IQANK1: variants seen among roughly 807,000 people sequenced by gnomAD.
IQANK1 encodes IQ motif and ankyrin repeat domain-containing protein 1.
In IQANK1, 30 loss-of-function variants were observed where a neutral mutation model predicts 22.6. The observed-to-expected ratio is 1.33, with a 90% CI of 0.99 to 1.80. The LOEUF is 1.80. Ranked by LOEUF, IQANK1 falls within the 40% of genes most tolerant of loss-of-function variation. The pLI, the probability that IQANK1 is intolerant of heterozygous loss-of-function variation, is 0.00. For missense variants in IQANK1, 275 were observed against 235.2 expected (o/e 1.17, Z -1.11); for synonymous variants, 122 against 99.6 (o/e 1.23, Z -1.34).
At position 143,778,369 on chromosome 8, in the gene IQANK1, A is replaced by G. The variant is rs1819731456; in HGVS notation, c.789+5887A>G. ...AGGATGCTGAAGTAACTGTATTAACATCAAGTAGATTTCAGAAAAAAGTAT... is the reference window on the plus strand; with the variant it reads ...AGGATGCTGAAGTAACTGTATTAACGTCAAGTAGATTTCAGAAAAAAGTAT... On this transcript the variant is annotated intron_variant, in intron 7 of 13. Transcript: ENST00000527139. 2.0e-5 allele frequency among the ~76,000 whole-genome samples: 3 copies of G among 152,230 alleles called. No individual in the cohort carries two copies. The South Asian group carries it at 6.2e-4, about 32-fold the overall frequency.
At position 143,771,104 on chromosome 8, in the gene IQANK1, T is replaced by C. The variant is rs1554629702; in HGVS notation, c.176-384T>C. ...CCAGGCCTGGGGCCCCCCCGCTCAG[T>C]CCAGCCTTCGCTCGCTGGGGCCTGG... On this transcript the variant is annotated intron_variant, in intron 3 of 13. Transcript: ENST00000527139. The surrounding 1 kb of genome is among the most constrained non-coding windows in gnomAD (Gnocchi z 6.0). Among the ~76,000 whole-genome samples the C allele has an allele frequency of 6.6e-6, 1 of 152,190 alleles. No homozygotes were observed. The highest frequency in any genetic ancestry group is 2.4e-5 in the African/African-American group (1 of 41,468).
rs983516183 is a variant in IQANK1, at chr8:143,758,048, C to T, written c.176-13440C>T. 6.6e-6 allele frequency: 1 copy of T among 152,196 alleles called. No individual in the cohort carries two copies. The highest frequency in any genetic ancestry group is 6.5e-5 in the Admixed American group (1 of 15,276). 9.4% of individuals were successfully genotyped at this position (152,196 alleles called of 1,614,324 possible). A position where few individuals can be genotyped will look rare whatever the true frequency, so the allele number is the denominator to read the frequency against. On this transcript the variant is annotated intron_variant, in intron 3 of 13. Transcript: ENST00000527139. The surrounding 1 kb of genome is among the most constrained non-coding windows in gnomAD (Gnocchi z 4.2). Reference sequence around the variant, plus strand: ...CAATAAAGATCTCTGGATTAGATTACCTCAGAGAGTGGTAGCACTGACCCA... The same window carrying T: ...CAATAAAGATCTCTGGATTAGATTATCTCAGAGAGTGGTAGCACTGACCCA...
In IQANK1 at chr8:143,790,165, C is replaced by T; in HGVS notation, c.1318C>T (p.Gln440Ter). 1 of 1,232,100 alleles carries T rather than the reference C, an allele frequency of 8.1e-7. No homozygotes were observed. The highest frequency in any genetic ancestry group is 1.0e-6 in the Non-Finnish European group (1 of 988,010). The allele number at this position is 1,232,100 out of a possible 1,614,324, so 76.3% of individuals were successfully genotyped here. ...GCCTCTTGTTATTGACCCTTTGGGC[C>T]AGGCGGCCACCTTCCTGCGCTACCA... ...RWPLVIDPLGQAATFLRYQDT... is the reference protein window; with the variant it reads ...RWPLVIDPLG The change falls in exon 13 of 14, where the codon CAG (glutamine) becomes TAG (stop). Residue 440 changes from glutamine to a stop codon, truncating the protein, a stop_gained. Coordinates refer to ENST00000527139, the MANE Select transcript of IQANK1 (RefSeq NM_001381874.1). LOFTEE classifies it high-confidence loss of function.
chr8:143,755,509 G>T (rs1228728272), intron 3 of IQANK1, among the ~76,000 whole-genome samples: 1 of 151,972 alleles, frequency 6.6e-6, no homozygotes, highest in Non-Finnish European at 1.5e-5. Flanking sequence ...GATTACAGGC[G>T]CCTGCCACCA....
chr8:143,787,980 G>C (rs1318245571), intron 7 of IQANK1, among the ~76,000 whole-genome samples: 4 of 152,134 alleles, frequency 2.6e-5, no homozygotes, highest in Admixed American at 2.0e-4. Context: ...CCAGGCCTCT[G>C]CTCTCCAGCC....
intron 3 of IQANK1, among the ~76,000 whole-genome samples, chr8:143,754,677 G>T (rs1485913710): frequency 6.6e-6 from 1 of 151,964 alleles, no homozygotes; most frequent in Non-Finnish European, 1.5e-5. Context: ...CCAGGCTGGA[G>T]TGCAGTGGCC....
intron 10 of IQANK1, 101 bp from the exon 11 acceptor site, chr8:143,789,660 G>C: frequency 8.3e-7 from 1 of 1,211,466 alleles, no homozygotes; most frequent in Middle Eastern, 3.2e-4. Flanking sequence ...CCAGCCGACA[G>C]TGGCCTGCTT....
At position 143,755,899 on chromosome 8, in the gene IQANK1, G is replaced by C. The variant is rs182215804; in HGVS notation, c.176-15589G>C. Among the ~76,000 whole-genome samples the C allele has an allele frequency of 6.9e-3, 1,042 of 152,062 alleles. 17 individuals carry two copies. Among genetic ancestry groups the C allele is most frequent in the African/African-American group, 0.024 (979 of 41,500 alleles). The stretch of plus-strand genomic sequence containing the variant: ...TTCAGCATTCAGTGGTGGCAGCCTT[G>C]GGGGGAGGAAGATCTAATCTATGTT... On this transcript the variant is annotated intron_variant, in intron 3 of 13. Coordinates refer to ENST00000527139, the MANE Select transcript of IQANK1 (RefSeq NM_001381874.1).
chr8:143,770,355 T>G (rs2129903238), intron 3 of IQANK1, among the ~76,000 whole-genome samples: 1 of 152,328 alleles, frequency 6.6e-6, no homozygotes, highest in African/African-American at 2.4e-5. Context: ...AGACGCACGT[T>G]ATTCTTATGA....
At chr8:143,784,139 C>G (rs1166706102) in intron 7 of IQANK1, among the ~76,000 whole-genome samples, 1 of 152,142 alleles carries the variant, frequency 6.6e-6, no homozygotes, top group African/African-American at 2.4e-5. Context: ...ATTTCTGTAT[C>G]AACCAGGATA....
In IQANK1 at chr8:143,763,833, T is replaced by C. The variant is rs536191068; in HGVS notation, c.176-7655T>C. Among the ~76,000 whole-genome samples, 19 of 152,316 alleles carry C rather than the reference T, an allele frequency of 1.2e-4. No homozygotes were observed. The East Asian group carries it at 3.5e-3, about 28-fold the overall frequency. ...AAAAACAGACTAACACATTAGCCAA[T>C]TGATCCTCCAAACAGAAACAAAATC... On this transcript the variant is annotated intron_variant, in intron 3 of 13. Transcript: ENST00000527139.
intron 3 of IQANK1, among the ~76,000 whole-genome samples, chr8:143,756,812 T>TA (rs36111952): frequency 0.13 from 17,201 of 134,204 alleles, 1,466 homozygotes; most frequent in East Asian, 0.41. Flanking sequence ...CTAAAAAAAT[T>TA]AAAAAAAAAA....
At chr8:143,748,959 A>G (rs2129823211) in intron 3 of IQANK1, among the ~76,000 whole-genome samples, 1 of 115,676 alleles carries the variant, frequency 8.6e-6, no homozygotes, top group South Asian at 2.5e-4. Flanking sequence ...CTATATATAA[A>G]TATATATCAT....
chr8:143,755,387 C>T (rs971443977), intron 3 of IQANK1, among the ~76,000 whole-genome samples: 2 of 152,242 alleles, frequency 1.3e-5, no homozygotes, highest in Non-Finnish European at 2.9e-5. Flanking sequence ...TTTATTAAGA[C>T]GGAGTCTTGC....
chr8:143,763,228 C>A (rs1438346478), intron 3 of IQANK1, among the ~76,000 whole-genome samples: 1 of 152,110 alleles, frequency 6.6e-6, no homozygotes, highest in Non-Finnish European at 1.5e-5. Context: ...GTCAGCCAGG[C>A]TGGTCTCAAA....
chr8:143,757,099 ACAGT>A (rs372439223), intron 3 of IQANK1, among the ~76,000 whole-genome samples: 86 of 152,290 alleles, frequency 5.6e-4, no homozygotes, highest in African/African-American at 1.5e-3. Context: ...TGTGCAACTG[ACAGT>A]CAGAGTGTCA....
rs1254768928 is a variant in IQANK1, at chr8:143,789,422, G to C, written c.994-14G>C. The stretch of plus-strand genomic sequence containing the variant: ...TGGCCAGCCTTGCCAGGGCCTGCCC[G>C]TACGCCCACCCAGCTGCAACAGGCC... On this transcript the variant is annotated splice_polypyrimidine_tract_variant and intron_variant, in intron 9 of 13. Transcript: ENST00000527139. 3.3e-6 allele frequency: 4 copies of C among 1,215,216 alleles called. No individual in the cohort carries two copies. In the East Asian group the frequency reaches 1.3e-4, roughly 38 times the overall value. 75.3% of individuals were successfully genotyped at this position (1,215,216 alleles called of 1,614,324 possible).
intron 7 of IQANK1, among the ~76,000 whole-genome samples, chr8:143,781,969 T>G (rs570935888): frequency 1.3e-5 from 2 of 152,356 alleles, no homozygotes; most frequent in South Asian, 4.1e-4. Context: ...TTTTTCTGTT[T>G]GTGCCTTTTC....
At position 143,771,047 on chromosome 8, in the gene IQANK1, T is replaced by G. The variant is rs1819560565; in HGVS notation, c.176-441T>G. 6.6e-6 allele frequency among the ~76,000 whole-genome samples: 1 copy of G among 152,188 alleles called. No homozygotes were observed. The highest frequency in any genetic ancestry group is 2.4e-5 in the African/African-American group (1 of 41,462). On this transcript the variant is annotated intron_variant, in intron 3 of 13. Coordinates refer to ENST00000527139, the MANE Select transcript of IQANK1 (RefSeq NM_001381874.1). This position sits in a 1 kb window ranked among gnomAD's most constrained non-coding sequence, Gnocchi z 6.0. ...CTGGGGCCCTGGGCTCCGCGCCCTC[T>G]TCTGAGTCCAGCGGGGCTGTGATGA...
Sources: allele counts gnomAD v4.1 joint callset (sites outside exome capture counted in the v4.1 genomes callset), GRCh38; gene constraint gnomAD v4.1.1; non-coding constraint Gnocchi (gnomAD v3.1); transcripts MANE v1.5; gene names NCBI Gene and HGNC (gene_info 2026-07-23, HGNC 2026-07-21).